GPIHBP1: variants seen among roughly 807,000 people sequenced by gnomAD.
GPIHBP1 encodes glycosylphosphatidylinositol-anchored high density lipoprotein-binding protein 1.
A neutral mutation model predicts 13.0 loss-of-function variants in GPIHBP1; 11 were observed. The observed-to-expected ratio is 0.84, with a 90% CI of 0.53 to 1.40. GPIHBP1 has a LOEUF of 1.40. GPIHBP1 is among the 40% of genes most tolerant of loss of function. The pLI is 0.00. For missense variants in GPIHBP1, 231 were observed against 241.1 expected (o/e 0.96, Z 0.28); for synonymous variants, 106 against 102.2 (o/e 1.04, Z -0.22).
Position 143,214,819 on chromosome 8 carries a change from C to T in GPIHBP1, c.182-194C>T, listed in dbSNP as rs899459486. ...CTGCCTGACCCGCAATCCCTTGCCC[C>T]CTAAACACACAGGCTCACGCACACA... On this transcript the variant is annotated intron_variant, in intron 2 of 3. Transcript: ENST00000622500. The surrounding 1 kb of genome is among the most constrained non-coding windows in gnomAD (Gnocchi z 4.1). Among the ~76,000 whole-genome samples the T allele has an allele frequency of 6.6e-6, 1 of 152,190 alleles. No homozygotes were observed.
chr8:143,215,140 G>A lies in GPIHBP1; in HGVS notation c.295+14G>A. 6.2e-7 allele frequency: 1 copy of A among 1,610,862 alleles called. No homozygotes were observed. The highest frequency in any genetic ancestry group is 8.5e-7 in the Non-Finnish European group (1 of 1,178,238). On this transcript the variant is annotated intron_variant, in intron 3 of 3. Transcript: ENST00000622500. ...ACGGGAACACCGGTAAGTGGGCGTG[G>A]GGCCGCAGCACATGCACCCCCAGGC...
At position 143,215,926 on chromosome 8, in the gene GPIHBP1, A is replaced by G. The variant is rs993974529; in HGVS notation, c.*408A>G. Reference sequence around the variant, plus strand: ...CCATCTGCAGCGGTCACACGGGCCCACCCTGCCCTTCCCCAGGTCGGCCTC... The same window carrying G: ...CCATCTGCAGCGGTCACACGGGCCCGCCCTGCCCTTCCCCAGGTCGGCCTC... On this transcript the variant is annotated 3_prime_UTR_variant, in exon 4 of 4. Transcript: ENST00000622500. The G allele has an allele frequency of 1.9e-5, 4 of 211,016 alleles. No individual in the cohort carries two copies. The highest frequency in any genetic ancestry group is 3.8e-5 in the Non-Finnish European group (4 of 104,934). The allele number at this position is 211,016 out of a possible 1,614,324, so 13.1% of individuals were successfully genotyped here. A position where few individuals can be genotyped will look rare whatever the true frequency, so the allele number is the denominator to read the frequency against.
Sources: allele counts gnomAD v4.1 joint callset (sites outside exome capture counted in the v4.1 genomes callset), GRCh38; gene constraint gnomAD v4.1.1; non-coding constraint Gnocchi (gnomAD v3.1); transcripts MANE v1.5; gene names NCBI Gene and HGNC (gene_info 2026-07-23, HGNC 2026-07-21).